The following FHIP1A variants were observed in gnomAD, a reference collection of about 807,000 sequenced individuals.
The protein encoded by FHIP1A is FHF complex subunit HOOK-interacting protein 1A.
FHIP1A carries 61 observed loss-of-function variants against 88.6 expected under a neutral mutation model. The observed-to-expected ratio is 0.69, with a 90% CI of 0.56 to 0.85. The LOEUF (loss-of-function observed/expected upper bound fraction) is 0.85, where lower values mean the gene tolerates loss of function less well. FHIP1A is among the 40% of genes least tolerant of loss of function. The pLI, the probability that FHIP1A is intolerant of heterozygous loss-of-function variation, is 0.00. For synonymous variants in FHIP1A, 478 were observed against 496.0 expected, an observed-to-expected ratio of 0.96 and a Z score of 0.48; for missense variants, 1,154 against 1,273.5, an observed-to-expected ratio of 0.91 and a Z score of 1.43.
At chr4:151,645,678 T>G (rs1736765981) in intron 9 of FHIP1A, among the ~76,000 whole-genome samples, 1 of 151,736 alleles carries the variant, frequency 6.6e-6, no homozygotes, top group East Asian at 1.9e-4. Context: ...TGCTTGGCTC[T>G]GGCTATAAGT....
At chr4:151,564,429 A>G (rs892596742) in intron 3 of FHIP1A, among the ~76,000 whole-genome samples, 2 of 152,226 alleles carry the variant, frequency 1.3e-5, no homozygotes, top group Non-Finnish European at 2.9e-5. Flanking sequence ...GTAAATGTTT[A>G]TAAGGGCTAG....
intron 1 of FHIP1A, among the ~76,000 whole-genome samples, chr4:151,418,341 C>T (rs1317046764): frequency 1.3e-5 from 2 of 152,078 alleles, no homozygotes; most frequent in African/African-American, 4.8e-5. Context: ...GAATTTTCTC[C>T]TTATACTTCT....
At chr4:151,604,051 A>T (rs1038513100) in intron 7 of FHIP1A, among the ~76,000 whole-genome samples, 4 of 151,878 alleles carry the variant, frequency 2.6e-5, no homozygotes, top group East Asian at 1.9e-4. Context: ...CACAGCCCTG[A>T]CTCCGTACCA....
intron 3 of FHIP1A, among the ~76,000 whole-genome samples, chr4:151,493,825 A>C (rs886121936): frequency 1.3e-5 from 2 of 152,208 alleles, no homozygotes; most frequent in Non-Finnish European, 2.9e-5. Flanking sequence ...GACATACCTT[A>C]AGGTAATAAA....
At chr4:151,561,659 A>G (rs184646894) in intron 3 of FHIP1A, among the ~76,000 whole-genome samples, 6 of 152,242 alleles carry the variant, frequency 3.9e-5, no homozygotes, top group African/African-American at 1.4e-4. Context: ...GACTTTTTAT[A>G]TATTTTTTAT....
chr4:151,506,987 T>C (rs1730858391), intron 3 of FHIP1A, among the ~76,000 whole-genome samples: 1 of 152,152 alleles, frequency 6.6e-6, no homozygotes, highest in Non-Finnish European at 1.5e-5. Flanking sequence ...CATTAGCACA[T>C]AAGGCAAAAA....
intron 2 of FHIP1A, among the ~76,000 whole-genome samples, chr4:151,467,932 C>A (rs1729378691): frequency 6.7e-6 from 1 of 150,248 alleles, no homozygotes; most frequent in South Asian, 2.1e-4. Flanking sequence ...ACCACCATGG[C>A]ACATGTATAC....
chr4:151,643,245 C>G (rs1369246971), intron 9 of FHIP1A, among the ~76,000 whole-genome samples: 9 of 152,120 alleles, frequency 5.9e-5, no homozygotes, highest in Admixed American at 3.9e-4. Flanking sequence ...GGAGCACAGT[C>G]TGTTTTTCTA....
chr4:151,598,821 C>T (rs1669122501), intron 7 of FHIP1A, among the ~76,000 whole-genome samples: 1 of 152,196 alleles, frequency 6.6e-6, no homozygotes, highest in Non-Finnish European at 1.5e-5. Flanking sequence ...TTTCTTACAA[C>T]TCACTTGGTT....
intron 13 of FHIP1A, among the ~76,000 whole-genome samples, chr4:151,660,384 C>A (rs1367271156): frequency 6.6e-6 from 1 of 152,022 alleles, no homozygotes; most frequent in African/African-American, 2.4e-5. Context: ...GTCACAAAAC[C>A]CCTTTTTAGG....
intron 7 of FHIP1A, 62 bp downstream of exon 7, chr4:151,588,988 G>T: frequency 9.4e-7 from 1 of 1,064,176 alleles, no homozygotes. Context: ...ACTGAGGAGG[G>T]TAAACACAGT....
intron 7 of FHIP1A, among the ~76,000 whole-genome samples, chr4:151,608,764 G>C (rs948414810): frequency 3.3e-5 from 5 of 152,228 alleles, no homozygotes; most frequent in African/African-American, 1.2e-4. Flanking sequence ...TCCCAAGACT[G>C]TGGTGGACAT....
At chr4:151,550,317 A>G (rs1356467029) in intron 3 of FHIP1A, among the ~76,000 whole-genome samples, 3 of 152,158 alleles carry the variant, frequency 2.0e-5, no homozygotes, top group Non-Finnish European at 4.4e-5. Context: ...GCGATCAAAG[A>G]GTAGGTCTTA....
At chr4:151,552,512 T>C (rs143977494) in intron 3 of FHIP1A, among the ~76,000 whole-genome samples, 5,145 of 152,264 alleles carry the variant, frequency 0.034, 297 homozygotes, top group African/African-American at 0.12. Context: ...AATGATGAAT[T>C]CTTGTTCTTT....
intron 3 of FHIP1A, among the ~76,000 whole-genome samples, chr4:151,486,905 T>C (rs1279479726): frequency 6.6e-6 from 1 of 151,548 alleles, no homozygotes; most frequent in East Asian, 1.9e-4. Flanking sequence ...GAGGTAGAGG[T>C]TGCAGTGAGC....
At chr4:151,550,504 G>A (rs986346793) in intron 3 of FHIP1A, among the ~76,000 whole-genome samples, 1 of 152,138 alleles carries the variant, frequency 6.6e-6, no homozygotes, top group African/African-American at 2.4e-5. Context: ...CTTAAGATTG[G>A]TTTGGGGTCA....
At chr4:151,427,451 C>T (rs1733425275) in intron 1 of FHIP1A, among the ~76,000 whole-genome samples, 1 of 152,060 alleles carries the variant, frequency 6.6e-6, no homozygotes, top group Admixed American at 6.6e-5. Flanking sequence ...TAGTAAAACC[C>T]AGCTCCTTCT....
intron 7 of FHIP1A, among the ~76,000 whole-genome samples, chr4:151,594,566 G>T (rs769124016): frequency 6.7e-6 from 1 of 149,962 alleles, no homozygotes; most frequent in Admixed American, 6.7e-5. Flanking sequence ...GGGATGAGTG[G>T]TGATATCCCC....
At chr4:151,481,398 T>G (rs375391272) in intron 2 of FHIP1A, among the ~76,000 whole-genome samples, 2 of 152,072 alleles carry the variant, frequency 1.3e-5, no homozygotes, top group Admixed American at 1.3e-4. Context: ...AAGTTTTTAA[T>G]GGCCAACAGA....
Sources: allele counts gnomAD v4.1 joint callset (sites outside exome capture counted in the v4.1 genomes callset), GRCh38; gene constraint gnomAD v4.1.1; transcripts MANE v1.5; gene names NCBI Gene and HGNC (gene_info 2026-07-23, HGNC 2026-07-21).